SHROOM4: variants seen among roughly 807,000 people sequenced by gnomAD.
SHROOM4 encodes protein Shroom4.
In SHROOM4, 17 loss-of-function variants were observed where a neutral mutation model predicts 80.3. That is an observed-to-expected ratio of 0.21 (90% CI 0.14 to 0.32). The LOEUF is 0.32. Ranked by LOEUF, SHROOM4 falls within the 10% of genes least tolerant of loss-of-function variation. SHROOM4 has a pLI of 1.00. For missense variants in SHROOM4, 993 were observed against 1,140.3 expected (o/e 0.87, Z 1.86); for synonymous variants, 400 against 437.5 (o/e 0.91, Z 1.07).
Position 50,591,808 on chromosome X carries a change from T to A in SHROOM4, c.*4887A>T, listed in dbSNP as rs1928899473. On this transcript the variant is annotated 3_prime_UTR_variant, in exon 9 of 9. Transcript: ENST00000376020. ...TCTCAGCTCACTGCAATCTCTGCCT[T>A]CCAGGTTCAAGCAATTCTCCTGCCT... 3.3e-6 allele frequency: 1 copy of A among 305,278 alleles called. No individual in the cohort carries two copies. Among genetic ancestry groups the A allele is most frequent in the Non-Finnish European group, 6.3e-6 (1 of 159,818 alleles). The allele number at this position is 305,278 out of a possible 1,213,427, so 25.2% of individuals were successfully genotyped here.
At chrX:50,584,220 T>C (rs1476882161), downstream of SHROOM4, among the ~76,000 whole-genome samples, 2 of 112,593 alleles carry the variant, frequency 1.8e-5, no homozygotes, top group African/African-American at 6.4e-5. Context: ...ATGTTTGTTG[T>C]TGCAAACCAC....
In SHROOM4 at chrX:50,814,044, G is replaced by C. The variant is rs1557273806; in HGVS notation, c.-26C>G. On this transcript the variant is annotated 5_prime_UTR_variant, in exon 1 of 9. Transcript: ENST00000376020. ...CCTCGGCTGGGCTCAGGCGCCGCCG[G>C]GCTCCTTTTCCGAGGGGGCTACGTT... 2 of 1,119,019 alleles carry C rather than the reference G, an allele frequency of 1.8e-6. No individual in the cohort carries two copies. The highest frequency in any genetic ancestry group is 1.8e-5 in the African/African-American group (1 of 55,036). The allele number at this position is 1,119,019 out of a possible 1,213,427, so 92.2% of individuals were successfully genotyped here.
At chrX:50,772,269 G>A (rs1272680593) in intron 1 of SHROOM4, among the ~76,000 whole-genome samples, 1 of 111,521 alleles carries the variant, frequency 9.0e-6, no homozygotes, top group Non-Finnish European at 1.9e-5. Flanking sequence ...AATAATAGTA[G>A]CTAACATTTA....
intron 1 of SHROOM4, among the ~76,000 whole-genome samples, chrX:50,730,452 A>G (rs1934343184): frequency 9.1e-6 from 1 of 109,832 alleles, no homozygotes; most frequent in African/African-American, 3.3e-5. Context: ...AAAATAAATC[A>G]AATAAAAAAA....
At chrX:50,598,676 C>A in intron 7 of SHROOM4, 141 bp from the exon 8 acceptor site, 1 of 725,445 alleles carries the variant, frequency 1.4e-6, no homozygotes, top group Non-Finnish European at 2.0e-6. Flanking sequence ...GAAACTTGGG[C>A]AAGTCATGAG....
At chrX:50,651,438 C>T (rs1353205399) in intron 2 of SHROOM4, among the ~76,000 whole-genome samples, 1 of 96,774 alleles carries the variant, frequency 1.0e-5, no homozygotes, top group Admixed American at 1.0e-4. Context: ...ATTTCTATGT[C>T]CCCCAACCCC....
intron 5 of SHROOM4, among the ~76,000 whole-genome samples, chrX:50,610,022 A>C (rs1251727710): frequency 9.0e-6 from 1 of 111,469 alleles, no homozygotes; most frequent in Non-Finnish European, 1.9e-5. Context: ...AGTCCTGCCC[A>C]GTGACAGGAA....
chrX:50,679,613 G>A (rs1188566936), intron 2 of SHROOM4, among the ~76,000 whole-genome samples: 1 of 111,352 alleles, frequency 9.0e-6, no homozygotes, highest in African/African-American at 3.3e-5. Flanking sequence ...GTGATATTGT[G>A]ATACATGCAA....
At position 50,589,019 on chromosome X, in the gene SHROOM4, GC is replaced by G. The variant is rs1249382159; in HGVS notation, c.*7675del. Among the ~76,000 whole-genome samples, 1 of 111,659 alleles carries G rather than the reference GC, an allele frequency of 9.0e-6. No individual in the cohort carries two copies. The highest frequency in any genetic ancestry group is 3.3e-5 in the African/African-American group (1 of 30,725). On this transcript the variant is annotated 3_prime_UTR_variant, in exon 9 of 9. Coordinates refer to ENST00000376020, the MANE Select transcript of SHROOM4 (RefSeq NM_020717.5). The stretch of plus-strand genomic sequence containing the variant: ...ACCACAATATTTGCCTAGAAATATT[GC>G]CCCTCCTTCCCAATAGTAGTCCCTC...
chrX:50,744,742 C>A (rs1403677813), intron 1 of SHROOM4, among the ~76,000 whole-genome samples: 4 of 111,277 alleles, frequency 3.6e-5, no homozygotes, highest in Non-Finnish European at 7.6e-5. Flanking sequence ...CCTATCCCAC[C>A]CCCATAACCT....
intron 2 of SHROOM4, among the ~76,000 whole-genome samples, chrX:50,667,050 T>C (rs1932714470): frequency 8.9e-6 from 1 of 111,782 alleles, no homozygotes; most frequent in African/African-American, 3.3e-5. Context: ...TGCTTTCCCT[T>C]TGATTAGCTG....
In SHROOM4 at chrX:50,634,540, G is replaced by C; in HGVS notation, c.1533C>G (p.Asp511Glu). The C allele has an allele frequency of 8.3e-7, 1 of 1,211,734 alleles. No individual in the cohort carries two copies. Among genetic ancestry groups the C allele is most frequent in the Non-Finnish European group, 1.1e-6 (1 of 895,537 alleles). ...DGHPSEKGFL[D>E]PNRTSRAASE... is the part of the protein sequence containing the mutation. ...TGGCTGCTCTGCTTGTTCTGTTTGG[G>C]TCCAGGAAACCTTTTTCTGAGGGGT... Residue 511 changes from aspartate (D) to glutamate (E), a missense_variant, in exon 4 of 9, where the codon GAC becomes GAG. Physicochemically the swap from Asp to Glu is conservative, Grantham distance 45 (BLOSUM62 2). Transcript: ENST00000376020.
chrX:50,618,370 TC>T (rs1930395894), intron 5 of SHROOM4, among the ~76,000 whole-genome samples: 1 of 40,128 alleles, frequency 2.5e-5, no homozygotes, highest in Non-Finnish European at 4.4e-5. Context: ...CTTCCTTCCT[TC>T]CTTCCTTCCT....
intron 2 of SHROOM4, among the ~76,000 whole-genome samples, chrX:50,640,525 G>C (rs1557256979): frequency 9.0e-6 from 1 of 110,616 alleles, no homozygotes; most frequent in Admixed American, 9.7e-5. Context: ...AAATACTGCA[G>C]AAGTCTGCCG....
chrX:50,802,638 C>T (rs1557272719), intron 1 of SHROOM4, among the ~76,000 whole-genome samples: 1 of 112,134 alleles, frequency 8.9e-6, no homozygotes, highest in Non-Finnish European at 1.9e-5. Context: ...TCAGGTCTTT[C>T]CTCATGGAAG....
intron 1 of SHROOM4, among the ~76,000 whole-genome samples, chrX:50,744,961 T>C (rs1934744252): frequency 8.9e-6 from 1 of 112,130 alleles, no homozygotes; most frequent in African/African-American, 3.2e-5. Context: ...CCAGTAAAGC[T>C]TCTATCTTTT....
chrX:50,638,006 G>C (rs782017739), intron 3 of SHROOM4, among the ~76,000 whole-genome samples, 168 bp downstream of exon 3: 1 of 112,246 alleles, frequency 8.9e-6, no homozygotes, highest in Admixed American at 9.4e-5. Context: ...CAAAATCACA[G>C]AGAATTAGCA....
At chrX:50,686,160 T>C (rs1283581341) in intron 2 of SHROOM4, among the ~76,000 whole-genome samples, 1 of 109,823 alleles carries the variant, frequency 9.1e-6, no homozygotes, top group Non-Finnish European at 1.9e-5. Flanking sequence ...GCCTCCGAAG[T>C]AGCTGGGACT....
intron 1 of SHROOM4, among the ~76,000 whole-genome samples, chrX:50,745,112 T>G (rs1934746905): frequency 8.9e-6 from 1 of 111,838 alleles, no homozygotes. Context: ...CTAGTGTGTG[T>G]GTACAGCCTT....
Sources: gnomAD v4.1 joint callset for allele counts (sites outside exome capture counted in the v4.1 genomes callset) on GRCh38, gnomAD v4.1.1 for gene constraint, MANE v1.5 for transcripts, NCBI Gene and HGNC (gene_info 2026-07-23, HGNC 2026-07-21) for gene names.